PIK3AP1: variants seen among roughly 807,000 people sequenced by gnomAD.
PIK3AP1 encodes phosphoinositide-3-kinase adaptor protein 1.
PIK3AP1 carries 21 observed loss-of-function variants against 88.1 expected under a neutral mutation model. That is an observed-to-expected ratio of 0.24 (90% CI 0.17 to 0.34). The LOEUF is 0.34. Among genes scored for constraint, PIK3AP1 ranks in the 10% least tolerant of loss-of-function variants. The probability of loss-of-function intolerance (pLI) is 1.00; values close to 1 mark genes in which losing one functional copy is unlikely to be tolerated. For synonymous variants in PIK3AP1, 398 were observed against 400.0 expected (o/e 1.00, Z 0.06); for missense variants, 828 against 1,035.7 (o/e 0.80, Z 2.75).
chr10:96,612,971 TATATATATA>T, intron 13 of PIK3AP1, among the ~76,000 whole-genome samples: 1 of 117,316 alleles, frequency 8.5e-6, no homozygotes, highest in Admixed American at 9.2e-5. Context: ...TATATATATA[TATATATATA>T]TATTTTTTTT....
chr10:96,691,703 A>C (rs1414828350), intron 2 of PIK3AP1, among the ~76,000 whole-genome samples: 5 of 152,160 alleles, frequency 3.3e-5, no homozygotes, highest in Non-Finnish European at 5.9e-5. Context: ...CATTCCTTTC[A>C]TTCTTTGCTT....
chr10:96,686,583 A>G (rs577889609), intron 2 of PIK3AP1, among the ~76,000 whole-genome samples: 90 of 152,292 alleles, frequency 5.9e-4, no homozygotes, highest in African/African-American at 2.1e-3. Flanking sequence ...TCTTAAGAAC[A>G]TAACAGCATT....
chr10:96,637,132 C>G (rs10218891), intron 8 of PIK3AP1, among the ~76,000 whole-genome samples: 40,526 of 151,914 alleles, frequency 0.27, 5,760 homozygotes, highest in East Asian at 0.43. Flanking sequence ...AAAAAGAGAG[C>G]CTTAGAGCAA....
In PIK3AP1 at chr10:96,620,269, A is replaced by G. The variant is rs1411102244; in HGVS notation, c.1941+83T>C. 2.1e-6 allele frequency: 3 copies of G among 1,405,084 alleles called. No homozygotes were observed. The African/African-American group carries it at 4.2e-5, about 20-fold the overall frequency. The allele number at this position is 1,405,084 out of a possible 1,614,324, so 87.0% of individuals were successfully genotyped here. On this transcript the variant is annotated intron_variant, in intron 12 of 16. Coordinates refer to ENST00000339364, the MANE Select transcript of PIK3AP1 (RefSeq NM_152309.3). The stretch of plus-strand genomic sequence containing the variant: ...GCCACAGGTGTCCAGGTACAGCAAT[A>G]CACAAGACAGCCATGGCCCAGCCCT...
chr10:96,710,640 C>T (rs780249826), intron 1 of PIK3AP1, among the ~76,000 whole-genome samples: 2 of 152,060 alleles, frequency 1.3e-5, no homozygotes, highest in Non-Finnish European at 2.9e-5. Flanking sequence ...TAATAATAAT[C>T]GCAACAGCAA....
chr10:96,711,101 G>A (rs181828895), intron 1 of PIK3AP1, among the ~76,000 whole-genome samples: 8 of 152,220 alleles, frequency 5.3e-5, no homozygotes, highest in Admixed American at 1.3e-4. Context: ...GGGCTTTTAG[G>A]GATCACTTGG....
At chr10:96,666,664 C>T (rs1311300180) in intron 2 of PIK3AP1, among the ~76,000 whole-genome samples, 1 of 151,998 alleles carries the variant, frequency 6.6e-6, no homozygotes. Flanking sequence ...ATTATTATTA[C>T]TTATAATGAT....
In PIK3AP1 at chr10:96,652,737, T is replaced by C. The variant is rs1843557165; in HGVS notation, c.673A>G (p.Lys225Glu). ...EDSPSVRMEA[K>E]VENEYTISVK... is the part of the protein sequence containing the mutation. ...GAAATGGTGTACTCATTCTCCACCT[T>C]GGCTTCCATCCTTACAGAGGGAGAA... The change falls in exon 4 of 17, where the codon AAG (lysine) becomes GAG (glutamate). Residue 225 changes from lysine to glutamate, a missense_variant. Physicochemically the swap from Lys to Glu is moderately conservative, Grantham distance 56. Transcript: ENST00000339364. The C allele has an allele frequency of 6.2e-7, 1 of 1,614,202 alleles. No homozygotes were observed. Among genetic ancestry groups the C allele is most frequent in the Non-Finnish European group, 8.5e-7 (1 of 1,180,016 alleles).
intron 8 of PIK3AP1, among the ~76,000 whole-genome samples, chr10:96,629,930 A>AAAAAGAAG (rs776780994): frequency 1.5e-4 from 2 of 13,720 alleles, no homozygotes; most frequent in Admixed American, 1.2e-3. Flanking sequence ...AAAAAAAAAA[A>AAAAAGAAG]AAGAAGAAGA....
chr10:96,603,671 TACACACAC>T (rs10528215), intron 15 of PIK3AP1: 50,362 of 162,656 alleles, frequency 0.31, 8,186 homozygotes, highest in South Asian at 0.42. Flanking sequence ...TACTACTTAA[TACACACAC>T]ACACACACAC....
intron 2 of PIK3AP1, among the ~76,000 whole-genome samples, chr10:96,673,258 C>T (rs757133033): frequency 3.3e-5 from 5 of 152,224 alleles, no homozygotes; most frequent in Non-Finnish European, 7.3e-5. Flanking sequence ...AAAAACCCAC[C>T]TCTATCCTGG....
chr10:96,632,872 G>A (rs780271413), intron 8 of PIK3AP1: 13 of 1,609,958 alleles, frequency 8.1e-6, no homozygotes, highest in Admixed American at 1.7e-5. Context: ...AGGTTCAATC[G>A]AACATTCAGA....
chr10:96,667,143 T>C (rs1843774835), intron 2 of PIK3AP1, among the ~76,000 whole-genome samples: 1 of 152,246 alleles, frequency 6.6e-6, no homozygotes, highest in African/African-American at 2.4e-5. Flanking sequence ...GAACCATCCA[T>C]GGTCTTCCAT....
chr10:96,623,439 A>G, intron 11 of PIK3AP1, 33 bp downstream of exon 11: 3 of 1,558,792 alleles, frequency 1.9e-6, no homozygotes, highest in Non-Finnish European at 2.7e-6. Context: ...CTTCAACCAC[A>G]CAAAAGTTCA....
chr10:96,634,874 G>T (rs2134216323), intron 8 of PIK3AP1, among the ~76,000 whole-genome samples: 1 of 152,264 alleles, frequency 6.6e-6, no homozygotes, highest in African/African-American at 2.4e-5. Flanking sequence ...TATAGAGGAG[G>T]ATCTGTCTCC....
intron 11 of PIK3AP1, among the ~76,000 whole-genome samples, chr10:96,622,306 T>C (rs1344205195): frequency 1.3e-5 from 2 of 152,236 alleles, no homozygotes; most frequent in Admixed American, 6.5e-5. Context: ...CTCATCTCTC[T>C]ACAGGCTGTG....
At chr10:96,686,853 C>T (rs1844075976) in intron 2 of PIK3AP1, among the ~76,000 whole-genome samples, 1 of 152,114 alleles carries the variant, frequency 6.6e-6, no homozygotes, top group African/African-American at 2.4e-5. Context: ...ACATGGATCC[C>T]ACAATGGCCC....
At chr10:96,640,978 G>C (rs1177524568) in intron 8 of PIK3AP1, among the ~76,000 whole-genome samples, 1 of 151,998 alleles carries the variant, frequency 6.6e-6, no homozygotes, top group Non-Finnish European at 1.5e-5. Flanking sequence ...GTGGGGCCTT[G>C]ATCAAAAAAT....
intron 16 of PIK3AP1, among the ~76,000 whole-genome samples, chr10:96,601,851 A>C (rs1848902742): frequency 6.6e-6 from 1 of 152,224 alleles, no homozygotes; most frequent in Admixed American, 6.5e-5. Flanking sequence ...CCACATTGAA[A>C]TGTGTCCAAT....
Sources: gnomAD v4.1 joint callset for allele counts (sites outside exome capture counted in the v4.1 genomes callset) on GRCh38, gnomAD v4.1.1 for gene constraint, MANE v1.5 for transcripts, NCBI Gene and HGNC (gene_info 2026-07-23, HGNC 2026-07-21) for gene names.